DCLK1: variants seen among roughly 807,000 people sequenced by gnomAD.
DCLK1 encodes the protein doublecortin like kinase 1.
DCLK1 carries 16 observed loss-of-function variants against 86.2 expected under a neutral mutation model. That is an observed-to-expected ratio of 0.19 (90% CI 0.13 to 0.28). DCLK1 has a LOEUF of 0.28. DCLK1 is among the 10% of genes least tolerant of loss of function. The pLI is 1.00. For synonymous variants in DCLK1, 369 were observed against 370.5 expected, an observed-to-expected ratio of 1.00 and a Z score of 0.05; for missense variants, 590 against 940.2, an observed-to-expected ratio of 0.63 and a Z score of 4.87.
At chr13:35,955,680 C>T (rs1030929973) in intron 3 of DCLK1, among the ~76,000 whole-genome samples, 1 of 152,164 alleles carries the variant, frequency 6.6e-6, no homozygotes, top group Non-Finnish European at 1.5e-5. Context: ...AACTATTTAA[C>T]ATCTTCAAGC....
In DCLK1 at chr13:36,117,978, A is replaced by T. The variant is rs1356534980; in HGVS notation, c.377-5763T>A. ...CCTTGGAAGCAAGGGTAAGATTACC[A>T]TTGACAAAAAAGAGAGGGGAGAACA... On this transcript the variant is annotated intron_variant, in intron 2 of 16. Transcript: ENST00000360631. Among the ~76,000 whole-genome samples, 4 of 152,226 alleles carry T rather than the reference A, an allele frequency of 2.6e-5. No individual in the cohort carries two copies. The South Asian group carries it at 6.2e-4, about 24-fold the overall frequency.
chr13:35,922,344 A>C (rs1875849581), intron 4 of DCLK1, among the ~76,000 whole-genome samples: 1 of 152,176 alleles, frequency 6.6e-6, no homozygotes, highest in Non-Finnish European at 1.5e-5. Context: ...ATTACTCATG[A>C]ATTCCTTGGG....
chr13:36,131,520 G>A (rs1886362797), upstream of DCLK1, among the ~76,000 whole-genome samples: 1 of 151,988 alleles, frequency 6.6e-6, no homozygotes, highest in South Asian at 2.1e-4. Flanking sequence ...CCACGGCTGC[G>A]CCCCAGGTCC....
At chr13:35,907,240 G>C (rs1294540209) in intron 4 of DCLK1, among the ~76,000 whole-genome samples, 1 of 152,084 alleles carries the variant, frequency 6.6e-6, no homozygotes, top group Non-Finnish European at 1.5e-5. Flanking sequence ...ATGGCTCACT[G>C]CTCACTTGAC....
At chr13:35,958,223 C>T (rs1390912367) in intron 3 of DCLK1, among the ~76,000 whole-genome samples, 7 of 151,912 alleles carry the variant, frequency 4.6e-5, no homozygotes, top group East Asian at 1.9e-4. Context: ...TCACCACCAC[C>T]ACTATAACCA....
chr13:35,930,235 G>A (rs1876352546), intron 4 of DCLK1, among the ~76,000 whole-genome samples: 2 of 152,188 alleles, frequency 1.3e-5, no homozygotes, highest in African/African-American at 2.4e-5. Context: ...TACTTGACAT[G>A]CAGTAGGCTC....
At chr13:35,895,429 G>T (rs1435703402) in intron 4 of DCLK1, among the ~76,000 whole-genome samples, 1 of 152,110 alleles carries the variant, frequency 6.6e-6, no homozygotes, top group Non-Finnish European at 1.5e-5. Flanking sequence ...CTTGGGGGCA[G>T]CATTTACTTT....
intron 4 of DCLK1, among the ~76,000 whole-genome samples, chr13:35,919,583 T>C (rs1875662753): frequency 6.6e-6 from 1 of 152,142 alleles, no homozygotes; most frequent in African/African-American, 2.4e-5. Flanking sequence ...ACCATAGCCC[T>C]CTCCCAGACT....
chr13:35,786,713 A>G (rs1455358440), intron 16 of DCLK1, among the ~76,000 whole-genome samples: 1 of 152,196 alleles, frequency 6.6e-6, no homozygotes, highest in Non-Finnish European at 1.5e-5. Context: ...GTCAAAAAAG[A>G]AGGGTCTGCA....
At chr13:35,819,730 T>A (rs146849126) in intron 11 of DCLK1, among the ~76,000 whole-genome samples, 2 of 152,026 alleles carry the variant, frequency 1.3e-5, no homozygotes, top group African/African-American at 4.8e-5. Context: ...CATTTTGCCA[T>A]GAGGTGGCAA....
intron 7 of DCLK1, among the ~76,000 whole-genome samples, chr13:35,838,108 C>T (rs1420707092): frequency 7.0e-6 from 1 of 143,110 alleles, no homozygotes; most frequent in Non-Finnish European, 1.5e-5. Flanking sequence ...AAAGGCTTAG[C>T]CAAAGGCTTA....
At chr13:35,849,937 T>C in intron 6 of DCLK1, 1 of 956,048 alleles carries the variant, frequency 1.0e-6, no homozygotes, top group Non-Finnish European at 1.2e-6. Context: ...AAGAAAAAAT[T>C]ATACAATCTA....
At chr13:35,799,100 T>G (rs1000991574) in intron 15 of DCLK1, among the ~76,000 whole-genome samples, 2 of 152,208 alleles carry the variant, frequency 1.3e-5, no homozygotes, top group South Asian at 4.1e-4. Context: ...TTCTTGAACT[T>G]CATTTCATGT....
rs2153096650 is a variant in DCLK1, at chr13:35,773,352, C to A, written c.*1183G>T. 1 of 152,300 alleles carries A rather than the reference C, an allele frequency of 6.6e-6. No individual in the cohort carries two copies. Among genetic ancestry groups the A allele is most frequent in the African/African-American group, 2.4e-5 (1 of 41,480 alleles). 9.4% of individuals were successfully genotyped at this position (152,300 alleles called of 1,614,324 possible). On this transcript the variant is annotated 3_prime_UTR_variant, in exon 17 of 17. Coordinates refer to ENST00000360631, the MANE Select transcript of DCLK1 (RefSeq NM_001330071.2). The stretch of plus-strand genomic sequence containing the variant: ...CCTCAGGGGTATCATCTAGGTCTTT[C>A]ATCCTGATCTTCCTAGGAGACTATA...
At chr13:35,879,679 G>A (rs1593692834) in intron 4 of DCLK1, among the ~76,000 whole-genome samples, 1 of 152,268 alleles carries the variant, frequency 6.6e-6, no homozygotes, top group South Asian at 2.1e-4. Context: ...CCTTGTCTGA[G>A]TTTCAACCCC....
intron 4 of DCLK1, among the ~76,000 whole-genome samples, chr13:35,914,350 CATATATATATATATATATGTATATAT>C (rs1875259841): frequency 6.4e-5 from 6 of 94,228 alleles, no homozygotes; most frequent in African/African-American, 1.5e-4. Flanking sequence ...TATATATATA[CATATATATATATATATATGTATATAT>C]ATATATATAT....
At chr13:36,123,043 A>C (rs551681266) in intron 2 of DCLK1, among the ~76,000 whole-genome samples, 4 of 152,380 alleles carry the variant, frequency 2.6e-5, no homozygotes, top group African/African-American at 9.6e-5. Context: ...AGTGAGAAAG[A>C]GCAAGAAAAT....
chr13:35,786,502 C>T (rs967901977), intron 16 of DCLK1, among the ~76,000 whole-genome samples: 4 of 152,132 alleles, frequency 2.6e-5, no homozygotes, highest in African/African-American at 9.7e-5. Flanking sequence ...TGTTTACCCT[C>T]GAGGTGAAGT....
chr13:36,046,350 C>T (rs373995647), intron 3 of DCLK1, among the ~76,000 whole-genome samples: 15 of 152,264 alleles, frequency 9.9e-5, no homozygotes, highest in Middle Eastern at 3.4e-3. Flanking sequence ...AGCTAAACAG[C>T]GCCTGAACAG....
Sources: gnomAD v4.1 joint callset for allele counts (sites outside exome capture counted in the v4.1 genomes callset) on GRCh38, gnomAD v4.1.1 for gene constraint, MANE v1.5 for transcripts, NCBI Gene and HGNC (gene_info 2026-07-23, HGNC 2026-07-21) for gene names.